The following RBFOX3 variants were observed in gnomAD, a reference collection of about 807,000 sequenced individuals.
RBFOX3 encodes the protein RNA binding protein fox-1 homolog 3.
RBFOX3 carries 17 observed loss-of-function variants against 48.7 expected under a neutral mutation model. That is an observed-to-expected ratio of 0.35 (90% CI 0.24 to 0.52). The LOEUF (loss-of-function observed/expected upper bound fraction) is 0.52, where lower values mean the gene tolerates loss of function less well. RBFOX3 is among the 20% of genes least tolerant of loss of function. RBFOX3 has a pLI of 0.94. For synonymous variants in RBFOX3, 212 were observed against 209.5 expected, an observed-to-expected ratio of 1.01 and a Z score of -0.10; for missense variants, 382 against 497.5, an observed-to-expected ratio of 0.77 and a Z score of 2.21.
At chr17:79,154,943 A>G (rs2045437744) in intron 4 of RBFOX3, among the ~76,000 whole-genome samples, 1 of 151,542 alleles carries the variant, frequency 6.6e-6, no homozygotes, top group African/African-American at 2.4e-5. Flanking sequence ...GCCTCCCAGG[A>G]CACCTCAGCC....
chr17:79,568,826 G>A (rs1290160081), intron 1 of RBFOX3, among the ~76,000 whole-genome samples: 1 of 151,272 alleles, frequency 6.6e-6, no homozygotes, highest in African/African-American at 2.5e-5. Context: ...CACCACCAAG[G>A]GCAAACTGGC....
intron 3 of RBFOX3, among the ~76,000 whole-genome samples, chr17:79,305,825 G>T (rs1005162259): frequency 6.6e-6 from 1 of 152,206 alleles, no homozygotes; most frequent in African/African-American, 2.4e-5. Context: ...TCCGCTGTGG[G>T]CAGGCAGCCT....
intron 2 of RBFOX3, among the ~76,000 whole-genome samples, chr17:79,474,651 T>G (rs1410166725): frequency 1.3e-5 from 2 of 151,990 alleles, no homozygotes; most frequent in African/African-American, 2.4e-5. Flanking sequence ...ATTTTCTGCT[T>G]CCATTCCCCC....
Position 79,279,613 on chromosome 17 carries a change from C to G in RBFOX3, c.-74+28111G>C, listed in dbSNP as rs149248848. On this transcript the variant is annotated intron_variant, in intron 3 of 14. Coordinates refer to ENST00000693108, the MANE Select transcript of RBFOX3 (RefSeq NM_001350451.2). The stretch of plus-strand genomic sequence containing the variant: ...TTTCTGGTCACCCTGTCCTGTCCAG[C>G]TAGCACTGCTAGCATTTGCTCAGTA... Among the ~76,000 whole-genome samples the G allele has an allele frequency of 3.8e-3, 582 of 152,356 alleles. 4 individuals carry two copies. Among genetic ancestry groups the G allele is most frequent in the African/African-American group, 0.013 (539 of 41,592 alleles).
chr17:79,379,452 GAC>G (rs2059619176), intron 2 of RBFOX3, among the ~76,000 whole-genome samples: 1 of 152,190 alleles, frequency 6.6e-6, no homozygotes, highest in Non-Finnish European at 1.5e-5. Context: ...ACCTAAGGGA[GAC>G]ACACACTTGT....
In RBFOX3 at chr17:79,213,320, C is replaced by CG. The variant is rs562116071; in HGVS notation, c.-34+22445dup. The stretch of plus-strand genomic sequence containing the variant: ...TCACCCAGGAAGGGGAAGGACGCGG[C>CG]GGGGGGGCACCTGGATCCACAGCCC... On this transcript the variant is annotated intron_variant, in intron 4 of 14. Transcript: ENST00000693108. 4.2e-3 allele frequency among the ~76,000 whole-genome samples: 640 copies of CG among 152,238 alleles called. 5 individuals are homozygous for CG. Among genetic ancestry groups the CG allele is most frequent in the African/African-American group, 0.014 (599 of 41,556 alleles).
At chr17:79,357,459 C>T (rs1415663266) in intron 2 of RBFOX3, among the ~76,000 whole-genome samples, 2 of 152,134 alleles carry the variant, frequency 1.3e-5, no homozygotes, top group South Asian at 4.1e-4. Context: ...GAAACCCTGT[C>T]TCTATTAAAA....
At chr17:79,117,604 G>A (rs770197750) in intron 4 of RBFOX3, among the ~76,000 whole-genome samples, 2 of 152,210 alleles carry the variant, frequency 1.3e-5, no homozygotes, top group Non-Finnish European at 2.9e-5. Flanking sequence ...CCTGGCTAAG[G>A]AGGAGCCCCT....
chr17:79,542,242 AG>A, intron 1 of RBFOX3, among the ~76,000 whole-genome samples: 1 of 152,304 alleles, frequency 6.6e-6, no homozygotes, highest in East Asian at 1.9e-4. Flanking sequence ...CAGACAGCTC[AG>A]GGGTCTCTCC....
the RBFOX3 span, among the ~76,000 whole-genome samples, chr17:79,618,171 C>T: frequency 6.6e-6 from 1 of 152,202 alleles, no homozygotes. Flanking sequence ...GATGACACAG[C>T]TGTGTTTGGG....
At chr17:79,095,774 G>A (rs1267202001) in intron 12 of RBFOX3, among the ~76,000 whole-genome samples, 200 bp from the exon 13 acceptor site, 3 of 152,206 alleles carry the variant, frequency 2.0e-5, no homozygotes, top group Non-Finnish European at 2.9e-5. Context: ...ACACAGGACC[G>A]AGGACTGCAG....
rs77761028 is a variant in RBFOX3, at chr17:79,550,087, G to A, written c.-320+60739C>T. Among the ~76,000 whole-genome samples, 493 of 152,252 alleles carry A rather than the reference G, an allele frequency of 3.2e-3. 4 individuals carry two copies. Among genetic ancestry groups the A allele is most frequent in the African/African-American group, 0.011 (466 of 41,550 alleles). On this transcript the variant is annotated intron_variant, in intron 1 of 14. Coordinates refer to ENST00000693108, the MANE Select transcript of RBFOX3 (RefSeq NM_001350451.2). ...TCCTCCATTTTCTGAGGTCTACACC[G>A]GGACAACTTCCCCAGCCAGGGCCCT... is the stretch of plus-strand genomic sequence containing the variant.
chr17:79,502,010 G>A (rs1471456204), intron 1 of RBFOX3, among the ~76,000 whole-genome samples: 1 of 152,234 alleles, frequency 6.6e-6, no homozygotes, highest in East Asian at 1.9e-4. Flanking sequence ...GAAGTGGACA[G>A]ATCCTGGAGA....
At chr17:79,440,241 T>C (rs370390828) in intron 2 of RBFOX3, among the ~76,000 whole-genome samples, 22 of 152,370 alleles carry the variant, frequency 1.4e-4, no homozygotes, top group Middle Eastern at 3.4e-3. Context: ...CCGTCTGAGC[T>C]GCAGAGACAG....
At chr17:79,207,686 G>T (rs576908940) in intron 4 of RBFOX3, among the ~76,000 whole-genome samples, 45 of 152,302 alleles carry the variant, frequency 3.0e-4, no homozygotes, top group African/African-American at 1.0e-3. Flanking sequence ...CCTTTTCTAG[G>T]GGGGTGTCTG....
intron 4 of RBFOX3, among the ~76,000 whole-genome samples, chr17:79,162,590 C>T (rs910825546): frequency 1.3e-5 from 2 of 152,208 alleles, no homozygotes; most frequent in African/African-American, 2.4e-5. Context: ...GACTGAGAAG[C>T]GGGGCTATAA....
In RBFOX3 at chr17:79,095,562, C is replaced by G; in HGVS notation, c.949G>C (p.Ala317Pro). 6.4e-7 allele frequency: 1 copy of G among 1,551,348 alleles called. No homozygotes were observed. The change falls in exon 13 of 15, where the codon GCC becomes CCC. Residue 317 changes from alanine to proline, a missense_variant. By Grantham distance (27) the Ala-to-Pro change is conservative. This residue lies in a region of RBFOX3 where 215 missense variants were observed against 254.8 expected (regional missense o/e 0.84). Coordinates refer to ENST00000693108, the MANE Select transcript of RBFOX3 (RefSeq NM_001350451.2). ...YGAEIYGGYA[A>P]YRYAQPAAAA... ...GCAGCGGGCTGAGCGTATCTGTAGGCTGCGTAGCCTCCCTGCAGGGTAAGT... is the reference window on the plus strand; with the variant it reads ...GCAGCGGGCTGAGCGTATCTGTAGGGTGCGTAGCCTCCCTGCAGGGTAAGT...
intron 1 of RBFOX3, among the ~76,000 whole-genome samples, chr17:79,544,653 C>A (rs1465993776): frequency 6.6e-6 from 1 of 151,992 alleles, no homozygotes; most frequent in African/African-American, 2.4e-5. Flanking sequence ...CCACCAGGCT[C>A]CCTGCAGACA....
At chr17:79,446,837 G>A (rs894538956) in intron 2 of RBFOX3, among the ~76,000 whole-genome samples, 6 of 137,158 alleles carry the variant, frequency 4.4e-5, no homozygotes, top group African/African-American at 9.9e-5. Context: ...GGGCAGTCAC[G>A]GAGCTGCCAC....
Sources: gnomAD v4.1 joint callset for allele counts (sites outside exome capture counted in the v4.1 genomes callset) on GRCh38, gnomAD v4.1.1 for gene constraint, gnomAD v4.1.1 regional missense constraint, MANE v1.5 for transcripts, NCBI Gene and HGNC (gene_info 2026-07-23, HGNC 2026-07-21) for gene names.